DLG1: variants seen among roughly 807,000 people sequenced by gnomAD.
DLG1 encodes the protein disks large homolog 1.
DLG1 carries 42 observed loss-of-function variants against 123.4 expected under a neutral mutation model. The ratio of observed to expected loss-of-function variants is 0.34; its 90% CI spans 0.27 to 0.44. The LOEUF (loss-of-function observed/expected upper bound fraction) is 0.44. Among genes scored for constraint, DLG1 ranks in the 20% least tolerant of loss-of-function variants. The probability of loss-of-function intolerance (pLI) is 1.00; values close to 1 mark genes in which losing one functional copy is unlikely to be tolerated. For synonymous variants in DLG1, 317 were observed against 356.2 expected, an observed-to-expected ratio of 0.89 and a Z score of 1.24; for missense variants, 942 against 1,082.6, an observed-to-expected ratio of 0.87 and a Z score of 1.82.
At position 197,212,145 on chromosome 3, in the gene DLG1, T is replaced by TA. The variant is rs1333666862; in HGVS notation, c.319-17557dup. On this transcript the variant is annotated intron_variant, in intron 4 of 24. Coordinates refer to ENST00000667157, the MANE Select transcript of DLG1 (RefSeq NM_001366207.1). Reference sequence around the variant, plus strand: ...AAAGGTAACTACTGGGTACTGGGCTTAATACTTGGGTGATGTAATAATCTG... The same window carrying TA: ...AAAGGTAACTACTGGGTACTGGGCTTAAATACTTGGGTGATGTAATAATCTG... Among the ~76,000 whole-genome samples the TA allele has an allele frequency of 2.1e-5, 3 of 146,182 alleles. 1 individual carries two copies. Among genetic ancestry groups the TA allele is most frequent in the Non-Finnish European group, 4.6e-5 (3 of 65,170 alleles).
At chr3:197,162,738 T>C (rs1441750859) in intron 5 of DLG1, among the ~76,000 whole-genome samples, 2 of 152,140 alleles carry the variant, frequency 1.3e-5, no homozygotes, top group African/African-American at 2.4e-5. Flanking sequence ...ACAACCTAAA[T>C]ATGAGATTTG....
chr3:197,214,768 A>T (rs563703697), intron 4 of DLG1, among the ~76,000 whole-genome samples: 40 of 151,898 alleles, frequency 2.6e-4, no homozygotes, highest in African/African-American at 9.2e-4. Context: ...ATCAATTTTT[A>T]AAAAACGAAA....
intron 21 of DLG1, 37 bp from the exon 22 acceptor site, chr3:197,065,485 T>TA (rs3214530): frequency 0.013 from 17,127 of 1,304,438 alleles, 5 homozygotes; most frequent in East Asian, 0.025. Flanking sequence ...TGTTTAATAT[T>TA]AAAAAAAAAA....
chr3:197,273,849 C>CAAAAAAAAAAAAAAAAAAAA (rs58880007), intron 4 of DLG1, among the ~76,000 whole-genome samples: 3 of 48,704 alleles, frequency 6.2e-5, no homozygotes, highest in East Asian at 7.5e-4. Context: ...TAATAGCTAC[C>CAAAAAAAAAAAAAAAAAAAA]AAAAAAAAAA....
At chr3:197,270,665 A>G (rs1579084597) in intron 4 of DLG1, among the ~76,000 whole-genome samples, 1 of 152,226 alleles carries the variant, frequency 6.6e-6, no homozygotes, top group African/African-American at 2.4e-5. Context: ...GTACAACCCC[A>G]TACACACTTC....
chr3:197,222,064 T>C (rs1047725506), intron 4 of DLG1, among the ~76,000 whole-genome samples: 2 of 152,270 alleles, frequency 1.3e-5, no homozygotes, highest in East Asian at 1.9e-4. Context: ...CAAGAAAAAA[T>C]GTCTGTATAC....
intron 3 of DLG1, among the ~76,000 whole-genome samples, chr3:197,294,616 C>T (rs1331514141): frequency 6.7e-6 from 1 of 148,530 alleles, no homozygotes; most frequent in African/African-American, 2.5e-5. Flanking sequence ...GGAGATCTCG[C>T]CACTGCACTC....
intron 22 of DLG1, among the ~76,000 whole-genome samples, chr3:197,060,647 G>A (rs1429019138): frequency 6.6e-6 from 1 of 152,098 alleles, no homozygotes; most frequent in Non-Finnish European, 1.5e-5. Context: ...TAGCATATGG[G>A]ACCCCAGTTC....
chr3:197,215,758 T>C (rs1410267053), intron 4 of DLG1, among the ~76,000 whole-genome samples: 1 of 152,144 alleles, frequency 6.6e-6, no homozygotes, highest in East Asian at 1.9e-4. Context: ...AATTGTTTTT[T>C]AAAAAAGCAA....
Position 197,136,576 on chromosome 3 carries a change from T to C in DLG1, c.986A>G (p.Asp329Gly), listed in dbSNP as rs1785159240. 6.2e-7 allele frequency: 1 copy of C among 1,612,978 alleles called. No individual in the cohort carries two copies. The highest frequency in any genetic ancestry group is 1.3e-5 in the African/African-American group (1 of 75,014). Residue 329 changes from aspartate to glycine, a missense_variant, in exon 10 of 25, where the codon GAT becomes GGT. Asp to Gly is a moderately conservative substitution (Grantham distance 94). Transcript: ENST00000667157. Reference protein sequence around the residue: ...KIIEGGAAHKDGKLQIGDKLL... With the variant: ...KIIEGGAAHKGGKLQIGDKLL... ...TTTATCTCCAATCTGAAGTTTGCCATCCTTATGTGCTGCACCTCCTTCAAT... is the reference window on the plus strand; with the variant it reads ...TTTATCTCCAATCTGAAGTTTGCCACCCTTATGTGCTGCACCTCCTTCAAT...
At chr3:197,169,052 A>G (rs759972881) in intron 5 of DLG1, among the ~76,000 whole-genome samples, 3 of 152,256 alleles carry the variant, frequency 2.0e-5, no homozygotes, top group Non-Finnish European at 4.4e-5. Context: ...CTATAGCTTT[A>G]TATTTTAAAT....
intron 6 of DLG1, among the ~76,000 whole-genome samples, chr3:197,147,709 T>G (rs1047932798): frequency 6.6e-6 from 1 of 151,880 alleles, no homozygotes; most frequent in Non-Finnish European, 1.5e-5. Flanking sequence ...GACTACATAC[T>G]GGGTACAGTA....
In DLG1 at chr3:197,044,715, C is replaced by G. The variant is rs778889719; in HGVS notation, c.2590G>C (p.Asp864His). The G allele has an allele frequency of 7.6e-6, 12 of 1,583,146 alleles. No homozygotes were observed. The highest frequency in any genetic ancestry group is 1.0e-5 in the Non-Finnish European group (12 of 1,161,962). The change falls in exon 25 of 25, where the codon GAT becomes CAT. Residue 864 changes from aspartate to histidine, a missense_variant. Coordinates refer to ENST00000667157, the MANE Select transcript of DLG1 (RefSeq NM_001366207.1). ...TEHFTAIVQG[D>H]TLEDIYNQVK... is the part of the protein sequence containing the mutation. ...TGGTTGTAAATGTCTTCCAGCGTAT[C>G]CCCCTGTACAATAGCTGTAATGATA...
chr3:197,156,409 C>CAT (rs1426227702), intron 5 of DLG1, among the ~76,000 whole-genome samples: 28 of 151,950 alleles, frequency 1.8e-4, no homozygotes, highest in East Asian at 3.8e-4. Flanking sequence ...AGCTACAAGG[C>CAT]ATATATATAA....
intron 6 of DLG1, among the ~76,000 whole-genome samples, chr3:197,143,263 G>GTT (rs11406773): frequency 7.9e-5 from 12 of 151,272 alleles, no homozygotes; most frequent in East Asian, 3.9e-4. Flanking sequence ...TTTTTGTTTT[G>GTT]TTTTTTTGAG....
intron 5 of DLG1, among the ~76,000 whole-genome samples, chr3:197,152,215 T>C (rs1794215498): frequency 6.6e-6 from 1 of 152,122 alleles, no homozygotes; most frequent in South Asian, 2.1e-4. Context: ...TATACTCAAA[T>C]GTCACTGAGT....
chr3:197,077,126 A>C (rs942269941), intron 17 of DLG1, among the ~76,000 whole-genome samples: 2 of 152,014 alleles, frequency 1.3e-5, no homozygotes, highest in Admixed American at 6.5e-5. Flanking sequence ...TTATTCCTTT[A>C]TCTCTTTTTT....
At chr3:197,096,464 T>C (rs1335493795) in intron 14 of DLG1, among the ~76,000 whole-genome samples, 1 of 152,188 alleles carries the variant, frequency 6.6e-6, no homozygotes, top group African/African-American at 2.4e-5. Context: ...GCCAACCTCA[T>C]GGGTAAGTCC....
At chr3:197,154,752 A>G (rs1162704696) in intron 5 of DLG1, among the ~76,000 whole-genome samples, 1 of 152,204 alleles carries the variant, frequency 6.6e-6, no homozygotes, top group African/African-American at 2.4e-5. Context: ...ATCAATGAAG[A>G]GAAATAAAAA....
Sources: allele counts gnomAD v4.1 joint callset (sites outside exome capture counted in the v4.1 genomes callset), GRCh38; gene constraint gnomAD v4.1.1; transcripts MANE v1.5; gene names NCBI Gene and HGNC (gene_info 2026-07-23, HGNC 2026-07-21).